SLC4A5: variants seen among roughly 807,000 people sequenced by gnomAD.
The protein encoded by SLC4A5 is solute carrier family 4 member 5, also known as electrogenic sodium bicarbonate cotransporter 4.
In SLC4A5, 96 loss-of-function variants were observed where a neutral mutation model predicts 120.4. The observed-to-expected ratio is 0.80, with a 90% CI of 0.68 to 0.94. The LOEUF is 0.94. Among genes scored for constraint, SLC4A5 ranks in the 40% least tolerant of loss-of-function variants. The pLI is 0.00. For synonymous variants in SLC4A5, 550 were observed against 571.1 expected (o/e 0.96, Z 0.53); for missense variants, 1,259 against 1,459.5 (o/e 0.86, Z 2.24).
At chr2:74,267,220 A>G (rs1324324868) in intron 8 of SLC4A5, among the ~76,000 whole-genome samples, 1 of 152,216 alleles carries the variant, frequency 6.6e-6, no homozygotes, top group Non-Finnish European at 1.5e-5. Flanking sequence ...AGGTGTAATG[A>G]CACAGCCTTC....
chr2:74,260,743 T>A (rs1026133785), intron 11 of SLC4A5, among the ~76,000 whole-genome samples: 10 of 152,164 alleles, frequency 6.6e-5, no homozygotes, highest in Non-Finnish European at 1.5e-4. Context: ...TGCCTTCCAA[T>A]GTTGCCCCTT....
At chr2:74,256,065 A>G (rs1670956250) in intron 12 of SLC4A5, 133 bp from the exon 13 acceptor site, 1 of 960,494 alleles carries the variant, frequency 1.0e-6, no homozygotes. Context: ...GAAAGAATAA[A>G]TAAGTACTCC....
rs1430086751 is a variant in SLC4A5 at position 74,314,818 on chromosome 2, C to T, written c.79+127G>A. 1.5e-5 allele frequency: 12 copies of T among 811,658 alleles called. No individual in the cohort carries two copies. In the Admixed American group the frequency reaches 1.9e-4, roughly 13 times the overall value. The allele number at this position is 811,658 out of a possible 1,614,324, so 50.3% of individuals were successfully genotyped here. A position where few individuals can be genotyped will look rare whatever the true frequency, so the allele number is the denominator to read the frequency against. ...GCTGGTCCCACCAGCCTCAAGGAGA[C>T]ACTGTGGATGAGTCAGGAAAAGGGA... On this transcript the variant is annotated intron_variant, in intron 6 of 30. Transcript: ENST00000394019.
chr2:74,265,181 A>G, exon 9 of SLC4A5: 1 of 1,614,202 alleles, frequency 6.2e-7, no homozygotes. Context: ...GAGCTCGAAG[A>G]GGCTGTGCAG....
intron 8 of SLC4A5, among the ~76,000 whole-genome samples, chr2:74,267,437 G>A (rs142999101): frequency 2.6e-5 from 4 of 152,212 alleles, no homozygotes; most frequent in African/African-American, 9.6e-5. Context: ...AATTCTGTAT[G>A]TCCATGTTGT....
intron 7 of SLC4A5, among the ~76,000 whole-genome samples, chr2:74,287,201 C>T (rs963409388): frequency 5.9e-5 from 9 of 152,312 alleles, no homozygotes; most frequent in Non-Finnish European, 1.2e-4. Flanking sequence ...TTCTTCATCA[C>T]ATCCTCCATT....
chr2:74,336,098 C>T (rs1429770730), intron 3 of SLC4A5, among the ~76,000 whole-genome samples: 1 of 152,168 alleles, frequency 6.6e-6, no homozygotes, highest in Non-Finnish European at 1.5e-5. Flanking sequence ...ACAGCATTCT[C>T]ACTCTGTCAC....
At chr2:74,243,970 A>G (rs1381432954) in intron 19 of SLC4A5, among the ~76,000 whole-genome samples, 2 of 152,216 alleles carry the variant, frequency 1.3e-5, no homozygotes, top group African/African-American at 4.8e-5. Context: ...GCCCCCAAAC[A>G]AGCTTTTATG....
At chr2:74,341,782 A>G (rs182750668) in intron 2 of SLC4A5, among the ~76,000 whole-genome samples, 76 of 152,346 alleles carry the variant, frequency 5.0e-4, no homozygotes, top group African/African-American at 1.7e-3. Flanking sequence ...GAGGGGCAGA[A>G]ATGAAGTAGG....
At position 74,255,078 on chromosome 2, in the gene SLC4A5, C is replaced by T. The variant is rs1169285402; in HGVS notation, c.1026-372G>A. On this transcript the variant is annotated intron_variant, in intron 13 of 30. Coordinates refer to ENST00000394019, the Ensembl canonical transcript of SLC4A5. This position sits in a 1 kb window ranked among gnomAD's most constrained non-coding sequence, Gnocchi z 4.0. Reference sequence around the variant, plus strand: ...TCGAGCAATTCACCCGCCTTGGCCTCCCAGAGTGCTGGGATTAGAGGAATG... The same window carrying T: ...TCGAGCAATTCACCCGCCTTGGCCTTCCAGAGTGCTGGGATTAGAGGAATG... Among the ~76,000 whole-genome samples, 1 of 152,112 alleles carries T rather than the reference C, an allele frequency of 6.6e-6. No homozygotes were observed. Among genetic ancestry groups the T allele is most frequent in the Non-Finnish European group, 1.5e-5 (1 of 68,008 alleles).
chr2:74,302,333 A>C (rs972501884), intron 7 of SLC4A5, among the ~76,000 whole-genome samples: 2 of 152,126 alleles, frequency 1.3e-5, no homozygotes, highest in Non-Finnish European at 2.9e-5. Context: ...ATATGCCAAA[A>C]GGGCTGGACG....
chr2:74,221,556 T>C, intron 29 of SLC4A5, 55 bp from the exon 30 acceptor site: 1 of 1,551,336 alleles, frequency 6.4e-7, no homozygotes, highest in Non-Finnish European at 8.9e-7. Context: ...ACCATATTTC[T>C]CCGGGCTTCC....
chr2:74,247,081 T>C, exon 19 of SLC4A5: 1 of 1,614,122 alleles, frequency 6.2e-7, no homozygotes. Context: ...GTGATGAAGT[T>C]TGGCTTGAAG....
intron 12 of SLC4A5, among the ~76,000 whole-genome samples, chr2:74,256,945 C>A (rs747336355): frequency 6.6e-6 from 1 of 152,160 alleles, no homozygotes; most frequent in Non-Finnish European, 1.5e-5. Flanking sequence ...CTGAAGAGAG[C>A]GCCTGTGAAC....
rs189805331 is a variant in SLC4A5, at chr2:74,332,988, T to C, written c.-70+1039A>G. Among the ~76,000 whole-genome samples, 44 of 152,236 alleles carry C rather than the reference T, an allele frequency of 2.9e-4. No homozygotes were observed. In the East Asian group the frequency reaches 8.5e-3, roughly 29 times the overall value. ...TGAAGTAAATGCTTGGGGGATACTG[T>C]CAACTCTTCCTCACCACCAGAGTGG... On this transcript the variant is annotated intron_variant, in intron 4 of 30. Coordinates refer to ENST00000394019, the Ensembl canonical transcript of SLC4A5.
chr2:74,248,067 A>G (rs1324034965), intron 18 of SLC4A5, among the ~76,000 whole-genome samples: 2 of 152,146 alleles, frequency 1.3e-5, no homozygotes, highest in Admixed American at 6.5e-5. Context: ...GACTTCATAC[A>G]CTATACTGCC....
intron 3 of SLC4A5, among the ~76,000 whole-genome samples, chr2:74,338,292 T>C (rs1673543196): frequency 6.6e-6 from 1 of 152,188 alleles, no homozygotes; most frequent in Non-Finnish European, 1.5e-5. Context: ...TCTTGTACTC[T>C]TCAAATTTTG....
chr2:74,276,584 T>C (rs1459954314), intron 8 of SLC4A5, among the ~76,000 whole-genome samples: 1 of 148,782 alleles, frequency 6.7e-6, no homozygotes, highest in Non-Finnish European at 1.5e-5. Context: ...TATACTCTCA[T>C]AGGCAACTTG....
At chr2:74,275,634 A>G (rs1671614803) in intron 8 of SLC4A5, among the ~76,000 whole-genome samples, 1 of 152,164 alleles carries the variant, frequency 6.6e-6, no homozygotes, top group African/African-American at 2.4e-5. Context: ...GCCAAGGTTG[A>G]GGAGACCTCT....
Sources: allele counts gnomAD v4.1 joint callset (sites outside exome capture counted in the v4.1 genomes callset), GRCh38; gene constraint gnomAD v4.1.1; non-coding constraint Gnocchi (gnomAD v3.1); transcripts MANE v1.5; gene names NCBI Gene and HGNC (gene_info 2026-07-23, HGNC 2026-07-21).